DLG2: variants seen among roughly 807,000 people sequenced by gnomAD.
DLG2 encodes disks large homolog 2.
DLG2 carries 45 observed loss-of-function variants against 132.5 expected under a neutral mutation model. That is an observed-to-expected ratio of 0.34 (90% CI 0.27 to 0.44). The LOEUF is 0.44. Among genes scored for constraint, DLG2 ranks in the 20% least tolerant of loss-of-function variants. The pLI, the probability that DLG2 is intolerant of heterozygous loss-of-function variation, is 1.00. For synonymous variants in DLG2, 424 were observed against 419.6 expected (o/e 1.01, Z -0.13); for missense variants, 1,045 against 1,196.9 (o/e 0.87, Z 1.87).
intron 19 of DLG2, among the ~76,000 whole-genome samples, chr11:83,622,823 G>T (rs1017816829): frequency 7.2e-5 from 11 of 152,168 alleles, no homozygotes; most frequent in African/African-American, 2.7e-4. Context: ...CTTTATGGCT[G>T]AACTTGTGGT....
At chr11:84,123,143 A>G (rs1433924529) in intron 9 of DLG2, among the ~76,000 whole-genome samples, 2 of 152,208 alleles carry the variant, frequency 1.3e-5, no homozygotes, top group East Asian at 1.9e-4. Flanking sequence ...TACTTATTAT[A>G]TGTTTCATTG....
intron 6 of DLG2, among the ~76,000 whole-genome samples, chr11:85,043,839 T>C (rs1250761973): frequency 1.3e-5 from 2 of 151,962 alleles, no homozygotes; most frequent in African/African-American, 2.4e-5. Context: ...TGCTCAATCT[T>C]TTCTCTCCCT....
chr11:84,120,588 A>C (rs564592930), intron 9 of DLG2, among the ~76,000 whole-genome samples: 1 of 152,322 alleles, frequency 6.6e-6, no homozygotes, highest in East Asian at 1.9e-4. Context: ...GAGTGGGTAA[A>C]GAGACTGGAT....
rs528010397 is a variant in DLG2, at chr11:85,069,643, T to C, written c.357+42018A>G. On this transcript the variant is annotated intron_variant, in intron 6 of 27. Coordinates refer to ENST00000376104, the MANE Select transcript of DLG2 (RefSeq NM_001142699.3). ...CGTTAGAATGGCAATCATTAAAAAT[T>C]CAGGAAATAACAGATGCTAGAGAGG... Among the ~76,000 whole-genome samples, 12 of 152,242 alleles carry C rather than the reference T, an allele frequency of 7.9e-5. No individual in the cohort carries two copies. In the East Asian group the frequency reaches 2.3e-3, roughly 30 times the overall value.
rs76656511 is a variant in DLG2 at position 84,591,326 on chromosome 11, T to C, written c.358-56595A>G. Among the ~76,000 whole-genome samples, 24 of 151,418 alleles carry C rather than the reference T, an allele frequency of 1.6e-4. No homozygotes were observed. The East Asian group carries it at 4.3e-3, about 27-fold the overall frequency. ...AAGACCATGCCTTGTTTTTTTTTTT[T>C]TGTTTTGTTTGTTTGTTTGTTTGTT... On this transcript the variant is annotated intron_variant, in intron 6 of 27. Transcript: ENST00000376104.
chr11:84,722,028 G>T (rs533213356), intron 6 of DLG2, among the ~76,000 whole-genome samples: 2 of 152,216 alleles, frequency 1.3e-5, no homozygotes, highest in East Asian at 1.9e-4. Flanking sequence ...TATATCACTT[G>T]CTCAAGTCAC....
intron 6 of DLG2, among the ~76,000 whole-genome samples, chr11:85,019,548 C>T (rs2059855982): frequency 6.6e-6 from 1 of 151,928 alleles, no homozygotes; most frequent in Admixed American, 6.6e-5. Flanking sequence ...TATATATGTG[C>T]CATGTTGGTG....
At chr11:84,516,624 T>A (rs1205179846) in intron 7 of DLG2, among the ~76,000 whole-genome samples, 1 of 151,484 alleles carries the variant, frequency 6.6e-6, no homozygotes, top group Admixed American at 6.6e-5. Context: ...CTAATTCTAT[T>A]ATATATTTAT....
chr11:84,473,837 T>C (rs972191235), intron 7 of DLG2, among the ~76,000 whole-genome samples: 1 of 152,068 alleles, frequency 6.6e-6, no homozygotes, highest in African/African-American at 2.4e-5. Flanking sequence ...TCATTGTTAT[T>C]CTAAGCATCC....
rs2092692712 is a variant in DLG2, at chr11:83,980,584, G to A, written c.978C>T (p.Ser326=). ...CATCTATAATTTTAGTTACATAAAT[G>A]CTGTTGTCTCCAGGAATGTGTTGGT... ...VGNQHIPGDN[S]IYVTKIIDGG... Residue 326 remains serine, a synonymous_variant, in exon 12 of 28, where the codon AGC becomes AGT. Coordinates refer to ENST00000376104, the MANE Select transcript of DLG2 (RefSeq NM_001142699.3). 1 of 1,613,656 alleles carries A rather than the reference G, an allele frequency of 6.2e-7. No homozygotes were observed. Among genetic ancestry groups the A allele is most frequent in the African/African-American group, 1.3e-5 (1 of 74,986 alleles).
At chr11:84,179,217 T>A (rs1336833186) in intron 8 of DLG2, among the ~76,000 whole-genome samples, 1 of 152,060 alleles carries the variant, frequency 6.6e-6, no homozygotes, top group African/African-American at 2.4e-5. Flanking sequence ...AATAATAAAT[T>A]TGCTAGAGTT....
intron 22 of DLG2, chr11:83,480,789 G>A: frequency 1.6e-6 from 1 of 629,514 alleles, no homozygotes; most frequent in Non-Finnish European, 2.7e-6. Context: ...TATAAATTCA[G>A]ACGCTTCTGG....
chr11:84,019,039 G>A (rs2095306880), intron 11 of DLG2, among the ~76,000 whole-genome samples: 1 of 151,750 alleles, frequency 6.6e-6, no homozygotes, highest in Non-Finnish European at 1.5e-5. Context: ...TCTGGTAGCT[G>A]GCAAAGTTCT....
At chr11:85,507,386 G>A (rs2093959452) in intron 3 of DLG2, among the ~76,000 whole-genome samples, 1 of 152,144 alleles carries the variant, frequency 6.6e-6, no homozygotes, top group African/African-American at 2.4e-5. Context: ...TCTTTCAGGA[G>A]CTCTTATAAG....
intron 3 of DLG2, among the ~76,000 whole-genome samples, chr11:85,524,392 A>T (rs560224419): frequency 6.6e-6 from 1 of 152,274 alleles, no homozygotes; most frequent in East Asian, 1.9e-4. Flanking sequence ...TACCCACAAA[A>T]ATTAAAAATA....
At chr11:84,731,198 T>C (rs2063109442) in intron 6 of DLG2, among the ~76,000 whole-genome samples, 1 of 152,100 alleles carries the variant, frequency 6.6e-6, no homozygotes, top group South Asian at 2.1e-4. Context: ...CATCTGATCA[T>C]GGAAAAACTT....
chr11:84,127,966 T>G (rs2094253877), intron 9 of DLG2, among the ~76,000 whole-genome samples: 1 of 152,220 alleles, frequency 6.6e-6, no homozygotes, highest in Non-Finnish European at 1.5e-5. Context: ...ATACCAACGC[T>G]TAACATCTTC....
At chr11:84,361,194 A>C (rs1419559417) in intron 7 of DLG2, among the ~76,000 whole-genome samples, 1 of 151,922 alleles carries the variant, frequency 6.6e-6, no homozygotes, top group Admixed American at 6.6e-5. Flanking sequence ...AATAATGACC[A>C]ATAGTTTTCC....
intron 6 of DLG2, among the ~76,000 whole-genome samples, chr11:84,780,675 G>C (rs529099628): frequency 1.3e-5 from 2 of 152,102 alleles, no homozygotes; most frequent in South Asian, 4.1e-4. Flanking sequence ...GGTATGTGGT[G>C]ACATCTTATT....
Sources: gnomAD v4.1 joint callset for allele counts (sites outside exome capture counted in the v4.1 genomes callset) on GRCh38, gnomAD v4.1.1 for gene constraint, MANE v1.5 for transcripts, NCBI Gene and HGNC (gene_info 2026-07-23, HGNC 2026-07-21) for gene names.